CATSPER3: variants seen among roughly 807,000 people sequenced by gnomAD.
CATSPER3 encodes cation channel sperm associated 3.
Under a neutral mutation model 36.6 loss-of-function variants are expected in CATSPER3, and 23 were observed. The ratio of observed to expected loss-of-function variants is 0.63; its 90% CI spans 0.45 to 0.89. The LOEUF (loss-of-function observed/expected upper bound fraction) is 0.89. CATSPER3 is among the 40% of genes least tolerant of loss of function. The pLI, the probability that CATSPER3 is intolerant of heterozygous loss-of-function variation, is 0.00. For missense variants in CATSPER3, 474 were observed against 503.9 expected (o/e 0.94, Z 0.57); for synonymous variants, 172 against 184.1 (o/e 0.93, Z 0.53).
intron 3 of CATSPER3, among the ~76,000 whole-genome samples, chr5:135,007,069 C>G (rs1349134294): frequency 1.3e-5 from 2 of 152,088 alleles, no homozygotes; most frequent in African/African-American, 2.4e-5. Flanking sequence ...TTTCTTAGCT[C>G]TAAGGACCTC....
At chr5:134,991,760 A>G (rs775644823) in intron 2 of CATSPER3, among the ~76,000 whole-genome samples, 2 of 152,248 alleles carry the variant, frequency 1.3e-5, no homozygotes, top group East Asian at 1.9e-4. Context: ...CATTAAGAGT[A>G]CAGACAACAA....
chr5:135,010,389 C>T lies in CATSPER3; in HGVS notation c.953C>T (p.Thr318Ile), dbSNP rs771098373. ...LMHIQKNADC[T>I]SFSELVENFK... ...CCTCTCTAGAAAAATGCTGACTGCA[C>T]AAGTTTCAGTGAGCTGGTGGAGAAC... The change falls in exon 7 of 8, where the codon ACA (threonine) becomes ATA (isoleucine). Residue 318 changes from threonine (T) to isoleucine (I), a missense_variant. Transcript: ENST00000282611. 1.2e-6 allele frequency: 2 copies of T among 1,613,996 alleles called. No individual in the cohort carries two copies. Among genetic ancestry groups the T allele is most frequent in the African/African-American group, 2.7e-5 (2 of 74,940 alleles).
At chr5:134,998,339 T>C (rs1032931042) in intron 3 of CATSPER3, among the ~76,000 whole-genome samples, 1 of 151,574 alleles carries the variant, frequency 6.6e-6, no homozygotes, top group African/African-American at 2.4e-5. Context: ...TTCGGGTTGG[T>C]TCCAAGTCTT....
chr5:134,985,997 C>A (rs1751803775), intron 2 of CATSPER3, among the ~76,000 whole-genome samples: 1 of 151,614 alleles, frequency 6.6e-6, no homozygotes, highest in Non-Finnish European at 1.5e-5. Context: ...CACACACAGC[C>A]ATATATATAT....
chr5:135,002,533 C>T (rs213506), intron 3 of CATSPER3, among the ~76,000 whole-genome samples: 42,237 of 152,010 alleles, frequency 0.28, 6,746 homozygotes, highest in East Asian at 0.53. Flanking sequence ...GGGGAAGTTC[C>T]CCTGGATAAT....
chr5:134,993,348 CA>C (rs1261837063), intron 2 of CATSPER3, among the ~76,000 whole-genome samples: 2 of 152,100 alleles, frequency 1.3e-5, no homozygotes, highest in African/African-American at 4.8e-5. Context: ...ACAGAGTTTC[CA>C]TTTGGGATGA....
chr5:134,969,888 G>A, intron 1 of CATSPER3, 51 bp from the exon 2 acceptor site: 5 of 1,597,880 alleles, frequency 3.1e-6, no homozygotes, highest in African/African-American at 1.3e-5. Flanking sequence ...ATTTTATGGG[G>A]ATCTAGCTCT....
chr5:135,000,290 A>C (rs888402747), intron 3 of CATSPER3, among the ~76,000 whole-genome samples: 1 of 152,196 alleles, frequency 6.6e-6, no homozygotes. Context: ...ATGGTGGATA[A>C]GCTTTTTGAT....
At chr5:134,998,430 T>C (rs1561462869) in intron 3 of CATSPER3, among the ~76,000 whole-genome samples, 2 of 152,246 alleles carry the variant, frequency 1.3e-5, no homozygotes, top group Non-Finnish European at 2.9e-5. Context: ...TTTGGGTATA[T>C]ACCCAGTAAT....
intron 3 of CATSPER3, among the ~76,000 whole-genome samples, chr5:135,007,468 G>A (rs988934458): frequency 6.6e-6 from 1 of 152,192 alleles, no homozygotes; most frequent in Non-Finnish European, 1.5e-5. Context: ...ACAAGACAGG[G>A]ACCTACCTGT....
intron 3 of CATSPER3, among the ~76,000 whole-genome samples, chr5:135,003,534 A>G (rs6883421): frequency 0.11 from 16,901 of 152,232 alleles, 3,035 homozygotes; most frequent in African/African-American, 0.38. Context: ...TTGTTCAGCT[A>G]TGCCCTGCCC....
chr5:134,986,619 G>A (rs993773222), intron 2 of CATSPER3, among the ~76,000 whole-genome samples: 7 of 151,234 alleles, frequency 4.6e-5, no homozygotes, highest in East Asian at 2.0e-4. Flanking sequence ...ATGCCACCGC[G>A]CCCAGCTAAT....
chr5:135,000,250 T>G (rs1468908013), intron 3 of CATSPER3, among the ~76,000 whole-genome samples: 1 of 152,224 alleles, frequency 6.6e-6, no homozygotes, highest in African/African-American at 2.4e-5. Flanking sequence ...GGATGCAGCC[T>G]TGCATCCCAG....
In CATSPER3 at chr5:134,969,777, A is replaced by C; in HGVS notation, c.99-162A>C. The C allele has an allele frequency of 6.8e-6, 5 of 731,500 alleles. No individual in the cohort carries two copies. The South Asian group carries it at 7.7e-5, about 11-fold the overall frequency. 45.3% of individuals were successfully genotyped at this position (731,500 alleles called of 1,614,324 possible). Reference sequence around the variant, plus strand: ...TATCCATGATCATCATATATATGTCAGTGGTCATTTATTCAACATCTCATT... The same window carrying C: ...TATCCATGATCATCATATATATGTCCGTGGTCATTTATTCAACATCTCATT... On this transcript the variant is annotated intron_variant, in intron 1 of 7. Coordinates refer to ENST00000282611, the MANE Select transcript of CATSPER3 (RefSeq NM_178019.3).
chr5:134,982,856 G>T (rs972236989), intron 2 of CATSPER3, among the ~76,000 whole-genome samples: 2 of 152,186 alleles, frequency 1.3e-5, no homozygotes, highest in African/African-American at 4.8e-5. Flanking sequence ...AAATACCAAT[G>T]TTATAGTTAA....
intron 3 of CATSPER3, among the ~76,000 whole-genome samples, chr5:134,999,507 C>T (rs547973169): frequency 2.2e-3 from 329 of 152,264 alleles, no homozygotes; most frequent in Non-Finnish European, 3.5e-3. Flanking sequence ...GGCAGTATGG[C>T]CATTTTCACG....
intron 2 of CATSPER3, among the ~76,000 whole-genome samples, chr5:134,989,148 C>G (rs1252981244): frequency 1.3e-5 from 2 of 152,152 alleles, no homozygotes; most frequent in Non-Finnish European, 2.9e-5. Context: ...ATAAACCATG[C>G]TGTAAACCGA....
intron 3 of CATSPER3, among the ~76,000 whole-genome samples, chr5:135,002,655 T>C (rs1266282355): frequency 6.6e-6 from 1 of 152,228 alleles, no homozygotes; most frequent in African/African-American, 2.4e-5. Flanking sequence ...GGAGGCTTTG[T>C]TCGTTTTACT....
At chr5:135,006,042 A>T (rs1360051516) in intron 3 of CATSPER3, among the ~76,000 whole-genome samples, 1 of 152,172 alleles carries the variant, frequency 6.6e-6, no homozygotes, top group African/African-American at 2.4e-5. Flanking sequence ...GAATTTGGGA[A>T]TTCAAAATCA....
Sources: allele counts gnomAD v4.1 joint callset (sites outside exome capture counted in the v4.1 genomes callset), GRCh38; gene constraint gnomAD v4.1.1; transcripts MANE v1.5; gene names NCBI Gene and HGNC (gene_info 2026-07-23, HGNC 2026-07-21).